LY9: variants seen among roughly 807,000 people sequenced by gnomAD.
LY9 encodes T-lymphocyte surface antigen Ly-9.
Under a neutral mutation model 64.6 loss-of-function variants are expected in LY9, and 59 were observed. The observed-to-expected ratio is 0.91, with a 90% CI of 0.74 to 1.13. The LOEUF (loss-of-function observed/expected upper bound fraction) is 1.13. LY9 is among the 50% of genes most tolerant of loss of function. LY9 has a pLI of 0.00. For synonymous variants in LY9, 281 were observed against 308.5 expected, an observed-to-expected ratio of 0.91 and a Z score of 0.93; for missense variants, 789 against 797.2, an observed-to-expected ratio of 0.99 and a Z score of 0.12.
intron 5 of LY9, 72 bp downstream of exon 5, chr1:160,816,935 C>G: frequency 6.7e-7 from 1 of 1,494,634 alleles, no homozygotes; most frequent in Non-Finnish European, 9.2e-7. Context: ...CTGACTGATT[C>G]TTTATGAAGT....
intron 2 of LY9, chr1:160,800,345 A>C: frequency 5.8e-6 from 2 of 346,582 alleles, no homozygotes; most frequent in South Asian, 4.4e-5. Flanking sequence ...CCCACCACCC[A>C]CTCCCCACAC....
At chr1:160,817,811 G>A (rs1348800284) in intron 5 of LY9, among the ~76,000 whole-genome samples, 1 of 152,180 alleles carries the variant, frequency 6.6e-6, no homozygotes, top group Non-Finnish European at 1.5e-5. Context: ...GTCTACCCAG[G>A]ATCTGACAAT....
chr1:160,818,382 C>T, intron 6 of LY9, 63 bp downstream of exon 6: 1 of 1,207,924 alleles, frequency 8.3e-7, no homozygotes, highest in Non-Finnish European at 1.2e-6. Context: ...CTTGTGGAGG[C>T]TTCTCTGCCC....
Position 160,819,178 on chromosome 1 carries a change from A to C in LY9, c.1445-143A>C, listed in dbSNP as rs1034729354. Reference sequence around the variant, plus strand: ...CCCCTTCACATAGGCCTGGCTTCTCATCAGGGTTCATCCTCCTTCCTGAAG... The same window carrying C: ...CCCCTTCACATAGGCCTGGCTTCTCCTCAGGGTTCATCCTCCTTCCTGAAG... On this transcript the variant is annotated intron_variant, in intron 6 of 9. Transcript: ENST00000263285. 1.3e-5 allele frequency: 9 copies of C among 688,556 alleles called. 1 individual carries two copies. The South Asian group carries it at 1.4e-4, about 11-fold the overall frequency. 42.7% of individuals were successfully genotyped at this position (688,556 alleles called of 1,614,324 possible). A position where few individuals can be genotyped will look rare whatever the true frequency, so the allele number is the denominator to read the frequency against.
At chr1:160,807,491 T>C (rs1667087472) in intron 2 of LY9, among the ~76,000 whole-genome samples, 1 of 152,174 alleles carries the variant, frequency 6.6e-6, no homozygotes, top group African/African-American at 2.4e-5. Context: ...CAGTGTATGC[T>C]GTCACTTGTG....
chr1:160,820,503 C>T (rs1395399827), intron 7 of LY9, among the ~76,000 whole-genome samples: 1 of 152,206 alleles, frequency 6.6e-6, no homozygotes, highest in African/African-American at 2.4e-5. Flanking sequence ...CAGGACTGGG[C>T]AGGGAGCATG....
At chr1:160,808,695 T>C (rs147143930) in intron 2 of LY9, among the ~76,000 whole-genome samples, 1 of 152,356 alleles carries the variant, frequency 6.6e-6, no homozygotes, top group East Asian at 1.9e-4. Context: ...CACATCTCTG[T>C]TGAATTCCAG....
Position 160,799,665 on chromosome 1 carries a change from A to G in LY9, c.125-88A>G. ...TTTCATTTCTCAGCATCTGACATTT[A>G]TGCCCAATGTATATTCACAGAGTGA... is the stretch of plus-strand genomic sequence containing the variant. On this transcript the variant is annotated intron_variant, in intron 1 of 9. Transcript: ENST00000263285. 4 of 794,332 alleles carry G rather than the reference A, an allele frequency of 5.0e-6. No homozygotes were observed. In the South Asian group the frequency reaches 6.7e-5, roughly 13 times the overall value. 49.2% of individuals were successfully genotyped at this position (794,332 alleles called of 1,614,324 possible).
At chr1:160,818,485 A>T (rs1329325085) in intron 6 of LY9, among the ~76,000 whole-genome samples, 166 bp downstream of exon 6, 1 of 152,130 alleles carries the variant, frequency 6.6e-6, no homozygotes, top group Non-Finnish European at 1.5e-5. Flanking sequence ...TTACTCACAA[A>T]TAATAGAAGC....
chr1:160,803,513 T>C (rs1285355412), intron 2 of LY9, among the ~76,000 whole-genome samples: 3 of 152,156 alleles, frequency 2.0e-5, no homozygotes, highest in Non-Finnish European at 4.4e-5. Flanking sequence ...TTCACCTCCT[T>C]GGTTATACTT....
intron 8 of LY9, 47 bp downstream of exon 8, chr1:160,823,843 C>A: frequency 2.1e-6 from 3 of 1,449,424 alleles, no homozygotes; most frequent in Non-Finnish European, 2.9e-6. Context: ...CCATGTCTAG[C>A]GGCATCTGAG....
intron 2 of LY9, chr1:160,812,507 A>C (rs1372540636): frequency 6.6e-6 from 1 of 152,236 alleles, no homozygotes; most frequent in East Asian, 1.9e-4. Flanking sequence ...AGTTAATAGA[A>C]TTAGAATGAA....
intron 9 of LY9, among the ~76,000 whole-genome samples, chr1:160,825,066 C>A (rs947994064): frequency 2.0e-5 from 3 of 151,468 alleles, no homozygotes; most frequent in Non-Finnish European, 4.4e-5. Flanking sequence ...ATTACCCAGG[C>A]CTGTGGTGGT....
At chr1:160,818,163 G>A (rs1397402838) in intron 5 of LY9, 55 bp from the exon 6 acceptor site, 1 of 1,146,922 alleles carries the variant, frequency 8.7e-7, no homozygotes, top group East Asian at 2.4e-5. Context: ...TGCATTGTTT[G>A]CTCCAGTGTG....
At chr1:160,814,283 T>C (rs895781310) in intron 3 of LY9, 137 bp from the exon 4 acceptor site, 1 of 681,946 alleles carries the variant, frequency 1.5e-6, no homozygotes, top group African/African-American at 1.8e-5. Context: ...GTAGCAGGCA[T>C]GCCCCTCAGA....
At chr1:160,819,859 G>GGGAGGGA (rs1668274201) in intron 7 of LY9, among the ~76,000 whole-genome samples, 1 of 90,992 alleles carries the variant, frequency 1.1e-5, no homozygotes, top group Admixed American at 1.6e-4. Context: ...AAGGAAGGGA[G>GGGAGGGA]GGAGGGAGGG....
At chr1:160,819,017 G>A (rs1366012800) in intron 6 of LY9, among the ~76,000 whole-genome samples, 1 of 152,136 alleles carries the variant, frequency 6.6e-6, no homozygotes, top group Non-Finnish European at 1.5e-5. Context: ...AACACATGGG[G>A]TCCCTGGAAG....
chr1:160,813,908 A>G lies in LY9; in HGVS notation c.727A>G (p.Thr243Ala). The change falls in exon 3 of 10, where the codon ACA (threonine) becomes GCA (alanine). Residue 243 changes from threonine (T) to alanine (A), a missense_variant. Coordinates refer to ENST00000263285, the MANE Select transcript of LY9 (RefSeq NM_002348.4). ...SLPVHVGQFC[T>A]DPGASRGGTT... Reference sequence around the variant, plus strand: ...CCCTGTCCATGTTGGGCAGTTCTGTACAGGTAACTGGCTCCAACTTGGCCC... The same window carrying G: ...CCCTGTCCATGTTGGGCAGTTCTGTGCAGGTAACTGGCTCCAACTTGGCCC... The G allele has an allele frequency of 1.2e-6, 2 of 1,612,368 alleles. No homozygotes were observed. The highest frequency in any genetic ancestry group is 1.7e-6 in the Non-Finnish European group (2 of 1,179,082).
intron 7 of LY9, among the ~76,000 whole-genome samples, chr1:160,822,513 C>T (rs780537144): frequency 6.6e-6 from 1 of 152,150 alleles, no homozygotes; most frequent in Non-Finnish European, 1.5e-5. Context: ...TCCTTAGTCC[C>T]TGCTGGTGTT....
Sources: gnomAD v4.1 joint callset for allele counts (sites outside exome capture counted in the v4.1 genomes callset) on GRCh38, gnomAD v4.1.1 for gene constraint, MANE v1.5 for transcripts, NCBI Gene and HGNC (gene_info 2026-07-23, HGNC 2026-07-21) for gene names.